POLR1C: variants seen among roughly 807,000 people sequenced by gnomAD.
POLR1C encodes the protein RNA polymerase I and III subunit C, also known as DNA-directed RNA polymerases I and III subunit RPAC1.
POLR1C carries 42 observed loss-of-function variants against 38.3 expected under a neutral mutation model. The observed-to-expected ratio is 1.10, with a 90% CI of 0.86 to 1.42. The LOEUF is 1.42. Among genes scored for constraint, POLR1C ranks in the 40% most tolerant of loss-of-function variants. POLR1C has a pLI of 0.00. For missense variants in POLR1C, 507 were observed against 450.5 expected (o/e 1.13, Z -1.14); for synonymous variants, 163 against 163.9 (o/e 0.99, Z 0.04).
chr6:43,549,214 A>C (rs928772591), intron 9 of POLR1C, among the ~76,000 whole-genome samples: 1 of 152,088 alleles, frequency 6.6e-6, no homozygotes, highest in African/African-American at 2.4e-5. Context: ...GGCATGCACC[A>C]CCATGCCCAG....
In POLR1C at chr6:43,527,765, G is replaced by A. The variant is rs773734130; in HGVS notation, c.923-1484G>A. ...AACCAGGGGGCCAAGTTCCACAGGA[G>A]TGCAGAAAAGGAAGGACAAGGAAAG... On this transcript the variant is annotated intron_variant, in intron 8 of 8. Coordinates refer to the POLR1C transcript ENST00000304004. The A allele has an allele frequency of 3.1e-6, 5 of 1,609,194 alleles. No individual in the cohort carries two copies. The East Asian group carries it at 1.1e-4, about 36-fold the overall frequency.
chr6:43,523,905 T>C (rs1793363628), downstream of POLR1C: 2 of 1,613,916 alleles, frequency 1.2e-6, no homozygotes, highest in Non-Finnish European at 1.7e-6. Context: ...ACCCCCATCA[T>C]TGTCCAGCAC....
At chr6:43,560,584 C>T (rs555969662) in intron 10 of POLR1C, among the ~76,000 whole-genome samples, 2 of 152,292 alleles carry the variant, frequency 1.3e-5, no homozygotes, top group South Asian at 4.1e-4. Flanking sequence ...ATTAGAAGGA[C>T]AATTTTGAAC....
At chr6:43,530,761 A>G, downstream of POLR1C, 1 of 1,613,996 alleles carries the variant, frequency 6.2e-7, no homozygotes. Flanking sequence ...GCTGGGTAGC[A>G]AGGTCCTCCA....
chr6:43,555,928 G>A, intron 10 of POLR1C: 1 of 1,613,944 alleles, frequency 6.2e-7, no homozygotes, highest in Non-Finnish European at 8.5e-7. Flanking sequence ...CAAACGACAT[G>A]CCAACCTCAT....
At chr6:43,538,139 C>CTTATTTTT (rs1794462064) in intron 9 of POLR1C, among the ~76,000 whole-genome samples, 5 of 48,938 alleles carry the variant, frequency 1.0e-4, no homozygotes, top group African/African-American at 4.1e-4. Flanking sequence ...TAAGAGACAT[C>CTTATTTTT]TTTTTTTTTT....
chr6:43,527,607 T>C lies in POLR1C; in HGVS notation c.923-1642T>C, dbSNP rs1319525395. The C allele has an allele frequency of 5.0e-6, 8 of 1,611,618 alleles. No homozygotes were observed. The Admixed American group carries it at 5.0e-5, about 10-fold the overall frequency. On this transcript the variant is annotated intron_variant, in intron 8 of 8. Coordinates refer to the POLR1C transcript ENST00000304004. ...GCTCTTCTTCCAGGAAAATCCTCTATAGCCCCAGTTTCGACATGCCACTTA... is the reference window on the plus strand; with the variant it reads ...GCTCTTCTTCCAGGAAAATCCTCTACAGCCCCAGTTTCGACATGCCACTTA...
At chr6:43,525,045 TAGTC>T (rs1232633890), downstream of POLR1C, 20 of 1,581,356 alleles carry the variant, frequency 1.3e-5, no homozygotes, top group Non-Finnish European at 1.5e-5. Context: ...CTGAATGATT[TAGTC>T]AGTCTGCATG....
chr6:43,538,949 G>T (rs562100872), intron 9 of POLR1C: 10 of 1,344,432 alleles, frequency 7.4e-6, no homozygotes, highest in South Asian at 2.3e-5. Flanking sequence ...GAGGTCGGGG[G>T]TCAGGTAGCT....
chr6:43,520,021 A>G, intron 4 of POLR1C, 45 bp from the exon 5 acceptor site: 2 of 1,610,408 alleles, frequency 1.2e-6, no homozygotes, highest in Non-Finnish European at 1.7e-6. Context: ...TAGTGCTGGC[A>G]CTCAGACGTT....
At chr6:43,530,296 C>T (rs138903975), downstream of POLR1C, among the ~76,000 whole-genome samples, 1 of 151,958 alleles carries the variant, frequency 6.6e-6, no homozygotes, top group East Asian at 1.9e-4. Flanking sequence ...TGATGGTGCA[C>T]ACCTGTAATC....
At chr6:43,532,318 T>A (rs1794036458), downstream of POLR1C, among the ~76,000 whole-genome samples, 1 of 152,208 alleles carries the variant, frequency 6.6e-6, no homozygotes, top group Non-Finnish European at 1.5e-5. Flanking sequence ...CAAATTAACA[T>A]CCTTCCTTTG....
chr6:43,538,788 G>T, intron 9 of POLR1C: 23 of 707,826 alleles, frequency 3.2e-5, no homozygotes, highest in South Asian at 1.9e-4. Flanking sequence ...TTTTTCCCAC[G>T]CTTAATTCAC....
At chr6:43,548,061 C>T (rs1378472367) in intron 9 of POLR1C, among the ~76,000 whole-genome samples, 1 of 152,196 alleles carries the variant, frequency 6.6e-6, no homozygotes, top group Non-Finnish European at 1.5e-5. Context: ...CCACAGGAGT[C>T]TCACTCTGTG....
intron 9 of POLR1C, among the ~76,000 whole-genome samples, chr6:43,549,043 A>G (rs1795102105): frequency 6.6e-6 from 1 of 152,206 alleles, no homozygotes; most frequent in Admixed American, 6.5e-5. Flanking sequence ...TAAGTATACT[A>G]AGAAAACACC....
chr6:43,521,545 G>T, downstream of POLR1C: 1 of 1,099,880 alleles, frequency 9.1e-7, no homozygotes, highest in Non-Finnish European at 1.2e-6. Context: ...TTTGTTTTTT[G>T]AGACAGTCTC....
chr6:43,548,159 C>T, intron 9 of POLR1C: 1 of 1,142,332 alleles, frequency 8.8e-7, no homozygotes, highest in Non-Finnish European at 1.2e-6. Flanking sequence ...ATAATGCCAT[C>T]ACACTTCAAT....
At chr6:43,531,839 A>G (rs1333717502), downstream of POLR1C, among the ~76,000 whole-genome samples, 2 of 152,134 alleles carry the variant, frequency 1.3e-5, no homozygotes, top group African/African-American at 4.8e-5. Context: ...AAAAAAAGTG[A>G]CAACTCAAAA....
intron 8 of POLR1C, chr6:43,529,223 C>G: frequency 7.1e-7 from 1 of 1,404,650 alleles, no homozygotes; most frequent in South Asian, 1.1e-5. Context: ...ACAAACTCTC[C>G]TTCACCATTC....
Sources: allele counts gnomAD v4.1 joint callset (sites outside exome capture counted in the v4.1 genomes callset), GRCh38; gene constraint gnomAD v4.1.1; transcripts MANE v1.5; gene names NCBI Gene and HGNC (gene_info 2026-07-23, HGNC 2026-07-21).